Variants in TAFA5 observed in about 807,000 individuals in gnomAD.
TAFA5 encodes the protein chemokine-like protein TAFA-5.
TAFA5 carries 6 observed loss-of-function variants against 15.3 expected under a neutral mutation model. That is an observed-to-expected ratio of 0.39 (90% CI 0.21 to 0.77). TAFA5 has a LOEUF of 0.77. Among genes scored for constraint, TAFA5 ranks in the 30% least tolerant of loss-of-function variants. The pLI is 0.41. For missense variants in TAFA5, 161 were observed against 193.1 expected, an observed-to-expected ratio of 0.83 and a Z score of 0.98; for synonymous variants, 103 against 80.7, an observed-to-expected ratio of 1.28 and a Z score of -1.48.
intron 3 of TAFA5, among the ~76,000 whole-genome samples, chr22:48,731,883 C>T (rs1419606984): frequency 2.6e-5 from 4 of 152,188 alleles, no homozygotes; most frequent in Non-Finnish European, 5.9e-5. Flanking sequence ...TTAAGAAATA[C>T]ATTTGATAAG....
intron 1 of TAFA5, among the ~76,000 whole-genome samples, chr22:48,633,266 G>A (rs1390176183): frequency 1.3e-5 from 2 of 152,240 alleles, no homozygotes; most frequent in Non-Finnish European, 2.9e-5. Context: ...TGCCCACCAC[G>A]GCAGGGAGAG....
intron 2 of TAFA5, among the ~76,000 whole-genome samples, chr22:48,691,287 G>T (rs534585905): frequency 2.0e-5 from 3 of 152,236 alleles, no homozygotes; most frequent in Non-Finnish European, 4.4e-5. Context: ...GTAAGGGTCT[G>T]ATGGAAGGAT....
intron 1 of TAFA5, among the ~76,000 whole-genome samples, chr22:48,506,871 C>T (rs1921010842): frequency 6.6e-6 from 1 of 152,228 alleles, no homozygotes; most frequent in African/African-American, 2.4e-5. Context: ...ACAGGCAGGG[C>T]TGGGAGGGCT....
At chr22:48,692,026 C>T (rs1928558920) in intron 2 of TAFA5, among the ~76,000 whole-genome samples, 1 of 152,074 alleles carries the variant, frequency 6.6e-6, no homozygotes, top group South Asian at 2.1e-4. Context: ...CTGGGTGCCT[C>T]CTTCCTGTCC....
At chr22:48,749,814 C>T in intron 3 of TAFA5, 25 bp from the exon 4 acceptor site, 2 of 1,560,906 alleles carry the variant, frequency 1.3e-6, no homozygotes, top group Non-Finnish European at 1.7e-6. Flanking sequence ...AGGAGGCTCA[C>T]CCTCTCTCTC....
chr22:48,527,493 C>T (rs923378896), intron 1 of TAFA5, among the ~76,000 whole-genome samples: 23 of 152,168 alleles, frequency 1.5e-4, no homozygotes, highest in African/African-American at 5.3e-4. Flanking sequence ...CAGAGACAGC[C>T]GGCTACTCCC....
chr22:48,520,854 G>A (rs1921577036), intron 1 of TAFA5, among the ~76,000 whole-genome samples: 1 of 152,160 alleles, frequency 6.6e-6, no homozygotes, highest in East Asian at 1.9e-4. Context: ...TCAGACCCTG[G>A]GCTTCAGCAC....
intron 1 of TAFA5, among the ~76,000 whole-genome samples, chr22:48,509,826 CTGTAGT>C (rs1921144360): frequency 2.6e-5 from 4 of 151,914 alleles, no homozygotes; most frequent in African/African-American, 9.7e-5. Flanking sequence ...TGGCGGGCGC[CTGTAGT>C]CCCAGCTACT....
intron 1 of TAFA5, among the ~76,000 whole-genome samples, chr22:48,644,046 G>A (rs964230006): frequency 1.3e-5 from 2 of 152,220 alleles, no homozygotes; most frequent in African/African-American, 4.8e-5. Context: ...CGCAGTAACC[G>A]CTGTTATCCA....
intron 1 of TAFA5, among the ~76,000 whole-genome samples, chr22:48,622,949 C>T (rs17823376): frequency 0.021 from 3,144 of 152,342 alleles, 74 homozygotes; most frequent in East Asian, 0.093. Context: ...ACCCAATGCT[C>T]GCTTCCTTGT....
intron 2 of TAFA5, among the ~76,000 whole-genome samples, chr22:48,669,343 A>C (rs554134652): frequency 2.6e-5 from 4 of 152,250 alleles, no homozygotes; most frequent in Non-Finnish European, 5.9e-5. Context: ...AGGGAAACCC[A>C]GAAACCTATC....
At chr22:48,559,683 C>T (rs1923158729) in intron 1 of TAFA5, among the ~76,000 whole-genome samples, 1 of 151,902 alleles carries the variant, frequency 6.6e-6, no homozygotes, top group Admixed American at 6.6e-5. Flanking sequence ...TTTGGCTGAG[C>T]CTTGAGGAGG....
intron 1 of TAFA5, among the ~76,000 whole-genome samples, chr22:48,570,628 A>AGG: frequency 6.6e-6 from 1 of 152,334 alleles, no homozygotes; most frequent in Middle Eastern, 3.4e-3. Context: ...TTCCATTTTG[A>AGG]ACAGTGAAAA....
At chr22:48,544,403 G>C in intron 1 of TAFA5, 1 of 343,580 alleles carries the variant, frequency 2.9e-6, no homozygotes, top group South Asian at 2.3e-5. Context: ...CCCACTCCAC[G>C]GCCAGTCTTG....
intron 2 of TAFA5, among the ~76,000 whole-genome samples, chr22:48,678,951 G>GCGTCCATCCCTCTCCCGTCTCCC (rs1928071530): frequency 6.3e-5 from 8 of 127,938 alleles, no homozygotes; most frequent in Admixed American, 4.0e-4. Flanking sequence ...TCCCAGCTCT[G>GCGTCCATCCCTCTCCCGTCTCCC]CGTCCATCCC....
In TAFA5 at chr22:48,678,972, CCCCGTCCATCCCTCTCCCGGCT is replaced by C. The variant is rs1569075879; in HGVS notation, c.263-28741_263-28720del. ...CTCTGCGTCCATCCCTCTCCCGTCT[CCCCGTCCATCCCTCTCCCGGCT>C]CCCCGTCCATCCCTCTCCCGGCTCC... On this transcript the variant is annotated intron_variant, in intron 2 of 3. Transcript: ENST00000402357. 5.2e-3 allele frequency among the ~76,000 whole-genome samples: 760 copies of C among 145,418 alleles called. 58 individuals carry two copies. The highest frequency in any genetic ancestry group is 0.02 in the African/African-American group (730 of 36,596).
intron 1 of TAFA5, among the ~76,000 whole-genome samples, chr22:48,547,820 G>C (rs1053313338): frequency 4.6e-5 from 7 of 152,208 alleles, no homozygotes; most frequent in Non-Finnish European, 8.8e-5. Flanking sequence ...AGAGGACTCT[G>C]AGTTTGACGA....
chr22:48,489,623 C>G lies in TAFA5; in HGVS notation c.31C>G (p.Gln11Glu). 1 of 1,510,058 alleles carries G rather than the reference C, an allele frequency of 6.6e-7. No homozygotes were observed. Among genetic ancestry groups the G allele is most frequent in the Non-Finnish European group, 8.9e-7 (1 of 1,127,982 alleles). The allele number at this position is 1,510,058 out of a possible 1,614,324, so 93.5% of individuals were successfully genotyped here. The change falls in exon 1 of 4, where the codon CAA (glutamine) becomes GAA (glutamate). Residue 11 changes from glutamine to glutamate, a missense_variant. Coordinates refer to ENST00000402357, the MANE Select transcript of TAFA5 (RefSeq NM_001082967.3). The surrounding 1 kb of genome is among the most constrained non-coding windows in gnomAD (Gnocchi z 5.5). ...GCCATCGCCCAGGACCGGCAGCCGGCAAGATGCGACCGCCCTGCCCAGCAT... is the reference window on the plus strand; with the variant it reads ...GCCATCGCCCAGGACCGGCAGCCGGGAAGATGCGACCGCCCTGCCCAGCAT... MAPSPRTGSRQDATALPSMSS... is the reference protein window; with the variant it reads MAPSPRTGSREDATALPSMSS...
chr22:48,528,063 G>A (rs947083780), intron 1 of TAFA5, among the ~76,000 whole-genome samples: 3 of 152,350 alleles, frequency 2.0e-5, no homozygotes, highest in Admixed American at 2.0e-4. Flanking sequence ...TGGCTTGGCC[G>A]CCTGGGCCCC....
Sources: gnomAD v4.1 joint callset for allele counts (sites outside exome capture counted in the v4.1 genomes callset) on GRCh38, gnomAD v4.1.1 for gene constraint, Gnocchi (gnomAD v3.1) non-coding constraint, MANE v1.5 for transcripts, NCBI Gene and HGNC (gene_info 2026-07-23, HGNC 2026-07-21) for gene names.